The following INPP4B variants were observed in gnomAD, a reference collection of about 807,000 sequenced individuals.
The protein encoded by INPP4B is inositol polyphosphate 4-phosphatase type II.
In INPP4B, 55 loss-of-function variants were observed where a neutral mutation model predicts 122.5. That is an observed-to-expected ratio of 0.45 (90% CI 0.36 to 0.56). The LOEUF (loss-of-function observed/expected upper bound fraction) is 0.56. Ranked by LOEUF, INPP4B falls within the 20% of genes least tolerant of loss-of-function variation. The probability of loss-of-function intolerance (pLI) is 0.00; values close to 1 mark genes in which losing one functional copy is unlikely to be tolerated. For missense variants in INPP4B, 1,000 were observed against 1,097.7 expected, an observed-to-expected ratio of 0.91 and a Z score of 1.26; for synonymous variants, 403 against 388.7, an observed-to-expected ratio of 1.04 and a Z score of -0.43.
Position 142,623,364 on chromosome 4 carries a change from C to T in INPP4B, c.-191+102475G>A, listed in dbSNP as rs557796002. 5.3e-5 allele frequency among the ~76,000 whole-genome samples: 8 copies of T among 151,982 alleles called. No individual in the cohort carries two copies. The South Asian group carries it at 1.7e-3, about 31-fold the overall frequency. On this transcript the variant is annotated intron_variant, in intron 2 of 25. Coordinates refer to ENST00000262992, the MANE Select transcript of INPP4B (RefSeq NM_001101669.3). ...GGCTTGGTGAACCCTTAGCACCATG[C>T]CCCAGAAAGTCCCCACCACATGACT...
chr4:142,687,883 C>G (rs1455759474), intron 2 of INPP4B, among the ~76,000 whole-genome samples: 1 of 152,090 alleles, frequency 6.6e-6, no homozygotes, highest in Non-Finnish European at 1.5e-5. Flanking sequence ...CCTTGTCCCC[C>G]AACAATGCTC....
chr4:142,407,732 G>C (rs185023226), intron 5 of INPP4B, among the ~76,000 whole-genome samples: 215 of 152,164 alleles, frequency 1.4e-3, no homozygotes, highest in Middle Eastern at 3.4e-3. Context: ...GAGAACCCGA[G>C]ATCAGGCAGA....
chr4:142,424,995 C>T (rs1807730311), intron 5 of INPP4B, among the ~76,000 whole-genome samples: 1 of 151,994 alleles, frequency 6.6e-6, no homozygotes, highest in Non-Finnish European at 1.5e-5. Flanking sequence ...CTCTGTTAAA[C>T]AATTTGAATC....
intron 2 of INPP4B, among the ~76,000 whole-genome samples, chr4:142,615,100 T>C (rs1743411695): frequency 6.6e-6 from 1 of 152,184 alleles, no homozygotes; most frequent in South Asian, 2.1e-4. Flanking sequence ...TGTAAGTTTA[T>C]CGCAGCACTA....
At chr4:142,405,172 A>AGAGAGG in intron 6 of INPP4B, 34 bp downstream of exon 6, 1 of 1,234,258 alleles carries the variant, frequency 8.1e-7, no homozygotes. Flanking sequence ...AGAGAGAGAG[A>AGAGAGG]GAGAGAGATT....
At chr4:142,762,984 A>T (rs11938151) in intron 1 of INPP4B, among the ~76,000 whole-genome samples, 9,213 of 152,196 alleles carry the variant, frequency 0.061, 942 homozygotes, top group African/African-American at 0.21. Context: ...ACAGGGCGCC[A>T]TCTTGAAAGC....
chr4:142,797,925 A>C (rs967465902), intron 1 of INPP4B, among the ~76,000 whole-genome samples: 1 of 151,964 alleles, frequency 6.6e-6, no homozygotes, highest in South Asian at 2.1e-4. Flanking sequence ...AAGAAAGGGA[A>C]AGACACAAGA....
chr4:142,680,898 C>T (rs538472706), intron 2 of INPP4B, among the ~76,000 whole-genome samples: 5 of 151,768 alleles, frequency 3.3e-5, no homozygotes, highest in East Asian at 1.9e-4. Context: ...CAAACACCCA[C>T]GACACTCAAA....
intron 3 of INPP4B, among the ~76,000 whole-genome samples, chr4:142,460,827 A>G (rs773300838): frequency 1.4e-5 from 2 of 146,356 alleles, no homozygotes; most frequent in African/African-American, 2.5e-5. Flanking sequence ...GCATAAGTCA[A>G]CTCTGGGTTT....
chr4:142,183,641 T>C (rs186446862), intron 15 of INPP4B, among the ~76,000 whole-genome samples: 15 of 152,340 alleles, frequency 9.8e-5, no homozygotes, highest in Non-Finnish European at 1.9e-4. Context: ...TTAAAAATAT[T>C]CTGGAAATCA....
At chr4:142,209,792 CAAAAAA>C (rs375306534) in intron 12 of INPP4B, among the ~76,000 whole-genome samples, 23 of 39,536 alleles carry the variant, frequency 5.8e-4, no homozygotes, top group African/African-American at 2.0e-3. Flanking sequence ...GACCCCGTCT[CAAAAAA>C]AAAAAAAAAA....
At chr4:142,587,510 A>G (rs1400639624) in intron 2 of INPP4B, among the ~76,000 whole-genome samples, 5 of 152,134 alleles carry the variant, frequency 3.3e-5, no homozygotes, top group African/African-American at 1.2e-4. Flanking sequence ...CAAAACATTA[A>G]AAGAAGAAAT....
At chr4:142,799,539 T>A (rs1243146379) in intron 1 of INPP4B, among the ~76,000 whole-genome samples, 4 of 151,932 alleles carry the variant, frequency 2.6e-5, no homozygotes, top group African/African-American at 9.7e-5. Flanking sequence ...ACTATTAATT[T>A]AAAATATTTT....
chr4:142,359,726 G>A (rs1393671986), intron 7 of INPP4B, among the ~76,000 whole-genome samples: 1 of 151,952 alleles, frequency 6.6e-6, no homozygotes, highest in East Asian at 1.9e-4. Flanking sequence ...CACATTGACT[G>A]TATCTAGCTT....
intron 15 of INPP4B, among the ~76,000 whole-genome samples, chr4:142,181,015 G>A (rs1449719888): frequency 6.6e-6 from 1 of 152,180 alleles, no homozygotes; most frequent in Non-Finnish European, 1.5e-5. Context: ...AAGGTAATCA[G>A]TGGATCATGT....
At chr4:142,550,581 G>A (rs961978795) in intron 2 of INPP4B, among the ~76,000 whole-genome samples, 3 of 127,836 alleles carry the variant, frequency 2.3e-5, no homozygotes, top group African/African-American at 9.0e-5. Context: ...CATTATATAT[G>A]TAATATATAC....
chr4:142,455,349 C>A (rs1048525501), intron 3 of INPP4B, among the ~76,000 whole-genome samples: 6 of 151,988 alleles, frequency 3.9e-5, no homozygotes, highest in African/African-American at 1.4e-4. Context: ...CATCCTTCTA[C>A]CCTCTAAGTC....
At position 142,144,222 on chromosome 4, in the gene INPP4B, T is replaced by TACAC. The variant is rs35496129; in HGVS notation, c.1720+1614_1720+1617dup. Among the ~76,000 whole-genome samples, 419 of 145,020 alleles carry TACAC rather than the reference T, an allele frequency of 2.9e-3. 1 individual carries two copies. Among genetic ancestry groups the TACAC allele is most frequent in the Middle Eastern group, 0.028 (8 of 290 alleles). The stretch of plus-strand genomic sequence containing the variant: ...TGCAGTCTTCTGATGAAATACAAGA[T>TACAC]ACACACACACACACACACACACACA... On this transcript the variant is annotated intron_variant, in intron 18 of 25. Transcript: ENST00000262992.
At chr4:142,063,371 C>T (rs1278404733) in intron 25 of INPP4B, among the ~76,000 whole-genome samples, 3 of 152,134 alleles carry the variant, frequency 2.0e-5, no homozygotes, top group South Asian at 2.1e-4. Context: ...CTTTTTACCT[C>T]GTCAGACCCT....
Sources: allele counts gnomAD v4.1 joint callset (sites outside exome capture counted in the v4.1 genomes callset), GRCh38; gene constraint gnomAD v4.1.1; transcripts MANE v1.5; gene names NCBI Gene and HGNC (gene_info 2026-07-23, HGNC 2026-07-21).